The following GRID2 variants were observed in gnomAD, a reference collection of about 807,000 sequenced individuals.
GRID2 encodes glutamate ionotropic receptor delta type subunit 2.
A neutral mutation model predicts 114.8 loss-of-function variants in GRID2; 33 were observed. The observed-to-expected ratio is 0.29, with a 90% confidence interval of 0.22 to 0.38. GRID2 has a LOEUF of 0.38. Among genes scored for constraint, GRID2 ranks in the 10% least tolerant of loss-of-function variants. GRID2 has a pLI of 1.00. For missense variants in GRID2, 1,184 were observed against 1,257.7 expected (o/e 0.94, Z 0.89); for synonymous variants, 505 against 449.9 (o/e 1.12, Z -1.55).
intron 2 of GRID2, among the ~76,000 whole-genome samples, chr4:92,627,722 A>C (rs569760344): frequency 6.6e-6 from 1 of 152,292 alleles, no homozygotes. Context: ...CTAAAAGTAT[A>C]TTTACTAAAC....
chr4:92,477,661 T>A (rs1008535359), intron 1 of GRID2, among the ~76,000 whole-genome samples: 32 of 150,864 alleles, frequency 2.1e-4, no homozygotes, highest in African/African-American at 7.3e-4. Context: ...ATATATATAT[T>A]TTAAAGAGAT....
intron 1 of GRID2, among the ~76,000 whole-genome samples, chr4:92,580,969 C>T (rs536296240): frequency 1.3e-5 from 2 of 150,420 alleles, no homozygotes; most frequent in African/African-American, 4.9e-5. Flanking sequence ...TGTCTATTGT[C>T]AAACCAATTC....
At chr4:93,285,641 A>G (rs1353336981) in intron 8 of GRID2, among the ~76,000 whole-genome samples, 1 of 152,048 alleles carries the variant, frequency 6.6e-6, no homozygotes, top group Non-Finnish European at 1.5e-5. Context: ...GAAAGTAAGT[A>G]TAAACTCTCA....
chr4:92,963,920 T>C (rs1425196707), intron 2 of GRID2, among the ~76,000 whole-genome samples: 1 of 152,018 alleles, frequency 6.6e-6, no homozygotes, highest in East Asian at 1.9e-4. Flanking sequence ...AAATCAATAT[T>C]AATTTCCTTG....
chr4:92,760,856 A>G (rs531917060), intron 2 of GRID2, among the ~76,000 whole-genome samples: 2 of 152,342 alleles, frequency 1.3e-5, no homozygotes, highest in Admixed American at 1.3e-4. Flanking sequence ...ATAGCTATGA[A>G]TACACTTCAT....
At position 93,413,990 on chromosome 4, in the gene GRID2, C is replaced by A. The variant is rs992636227; in HGVS notation, c.1348-8781C>A. Among the ~76,000 whole-genome samples the A allele has an allele frequency of 2.0e-5, 3 of 152,232 alleles. No individual in the cohort carries two copies. The East Asian group carries it at 5.8e-4, about 29-fold the overall frequency. On this transcript the variant is annotated intron_variant, in intron 9 of 15. Coordinates refer to ENST00000282020, the MANE Select transcript of GRID2 (RefSeq NM_001510.4). ...AGAATTATTATGACACATACTCCAA[C>A]TAAAAATCAGTCAAGGACAGTCCCA... is the stretch of plus-strand genomic sequence containing the variant.
intron 13 of GRID2, among the ~76,000 whole-genome samples, chr4:93,582,319 T>C (rs1177946854): frequency 1.3e-5 from 2 of 152,158 alleles, no homozygotes; most frequent in Non-Finnish European, 2.9e-5. Context: ...AGGACCCTTG[T>C]CCTTTAAGAT....
At chr4:93,260,956 A>G (rs1419776526) in intron 8 of GRID2, among the ~76,000 whole-genome samples, 1 of 151,796 alleles carries the variant, frequency 6.6e-6, no homozygotes, top group Non-Finnish European at 1.5e-5. Context: ...CCAAGGCCTA[A>G]CAAGCACATC....
chr4:93,678,922 T>G (rs1354477100), intron 14 of GRID2, among the ~76,000 whole-genome samples: 1 of 147,786 alleles, frequency 6.8e-6, no homozygotes, highest in Non-Finnish European at 1.5e-5. Flanking sequence ...AATTCACACA[T>G]AACAATATTA....
intron 1 of GRID2, among the ~76,000 whole-genome samples, chr4:92,538,540 G>A (rs1434517976): frequency 6.6e-6 from 1 of 152,078 alleles, no homozygotes; most frequent in Non-Finnish European, 1.5e-5. Flanking sequence ...ATTACAAAAG[G>A]GATAAGTTGT....
chr4:92,778,531 G>A (rs956535852), intron 2 of GRID2, among the ~76,000 whole-genome samples: 13 of 152,088 alleles, frequency 8.5e-5, no homozygotes, highest in Admixed American at 2.6e-4. Context: ...ACGGTTTTAC[G>A]ACATTGTGAC....
chr4:92,568,607 G>T (rs62307852), intron 1 of GRID2, among the ~76,000 whole-genome samples: 13,092 of 151,936 alleles, frequency 0.086, 673 homozygotes, highest in African/African-American at 0.14. Context: ...GGGTACATGT[G>T]CAGGTTTGTT....
chr4:92,572,965 G>T (rs1025618365), intron 1 of GRID2, among the ~76,000 whole-genome samples: 6 of 151,756 alleles, frequency 4.0e-5, no homozygotes, highest in Middle Eastern at 3.2e-3. Flanking sequence ...GCTTTTTTTG[G>T]TTATTAGGCT....
intron 2 of GRID2, among the ~76,000 whole-genome samples, chr4:92,919,632 G>A (rs1440579145): frequency 5.3e-5 from 8 of 152,142 alleles, no homozygotes; most frequent in Non-Finnish European, 1.0e-4. Context: ...TCAGGAGCAG[G>A]TTGTTCAATT....
At chr4:92,535,306 C>T (rs1390136775) in intron 1 of GRID2, among the ~76,000 whole-genome samples, 1 of 152,066 alleles carries the variant, frequency 6.6e-6, no homozygotes, top group Non-Finnish European at 1.5e-5. Context: ...AGCACTCATT[C>T]CAAAATATTT....
At chr4:93,085,431 A>G (rs953733460) in intron 3 of GRID2, 152 bp downstream of exon 3, 2 of 655,036 alleles carry the variant, frequency 3.1e-6, no homozygotes, top group Admixed American at 2.9e-5. Flanking sequence ...CAACAACTGA[A>G]AATTGTGTTA....
At chr4:93,129,075 T>A (rs866710045) in intron 4 of GRID2, among the ~76,000 whole-genome samples, 1 of 152,172 alleles carries the variant, frequency 6.6e-6, no homozygotes, top group East Asian at 1.9e-4. Context: ...TTTATATTTT[T>A]AAAAAACTAT....
chr4:92,813,472 T>C (rs910145011), intron 2 of GRID2, among the ~76,000 whole-genome samples: 12 of 152,122 alleles, frequency 7.9e-5, no homozygotes, highest in Admixed American at 2.0e-4. Flanking sequence ...ACATATAAAA[T>C]TTTTTGGATA....
At chr4:92,452,848 ATATATTTACCATATATAT>A (rs1306935544) in intron 1 of GRID2, among the ~76,000 whole-genome samples, 1 of 148,242 alleles carries the variant, frequency 6.7e-6, no homozygotes, top group Non-Finnish European at 1.5e-5. Flanking sequence ...TACCATATAT[ATATATTTACCATATATAT>A]TTTTTTACCA....
Sources: allele counts gnomAD v4.1 joint callset (sites outside exome capture counted in the v4.1 genomes callset), GRCh38; gene constraint gnomAD v4.1.1; transcripts MANE v1.5; gene names NCBI Gene and HGNC (gene_info 2026-07-23, HGNC 2026-07-21).